GRIN2A: variants seen among roughly 807,000 people sequenced by gnomAD.
GRIN2A encodes glutamate ionotropic receptor NMDA type subunit 2A, also known as glutamate receptor ionotropic, NMDA 2A.
A neutral mutation model predicts 113.4 loss-of-function variants in GRIN2A; 22 were observed. The observed-to-expected ratio is 0.19, with a 90% CI of 0.14 to 0.28. The LOEUF is 0.28. Ranked by LOEUF, GRIN2A falls within the 10% of genes least tolerant of loss-of-function variation. GRIN2A has a pLI of 1.00. For synonymous variants in GRIN2A, 827 were observed against 738.4 expected (o/e 1.12, Z -1.94); for missense variants, 1,502 against 1,887.0 (o/e 0.80, Z 3.78).
intron 10 of GRIN2A, among the ~76,000 whole-genome samples, chr16:9,801,428 C>A (rs968529987): frequency 2.0e-5 from 3 of 152,140 alleles, no homozygotes; most frequent in Non-Finnish European, 2.9e-5. Context: ...TGGGGTGAAA[C>A]CTTCTCCTAT....
intron 2 of GRIN2A, among the ~76,000 whole-genome samples, chr16:10,095,007 T>G (rs1263875509): frequency 6.6e-6 from 1 of 151,492 alleles, no homozygotes; most frequent in Non-Finnish European, 1.5e-5. Flanking sequence ...AGGAGGTAAC[T>G]AAGGTTAAAT....
At chr16:10,179,010 T>C (rs1348265101) in intron 2 of GRIN2A, among the ~76,000 whole-genome samples, 1 of 152,106 alleles carries the variant, frequency 6.6e-6, no homozygotes. Context: ...TTTTTCTCAT[T>C]CCTCACTTTA....
intron 2 of GRIN2A, among the ~76,000 whole-genome samples, chr16:10,042,918 G>A (rs1363882598): frequency 6.6e-6 from 1 of 152,184 alleles, no homozygotes; most frequent in Non-Finnish European, 1.5e-5. Flanking sequence ...CAGACGGAAG[G>A]GAAGAAGGTG....
chr16:9,975,383 G>A (rs1353321991), intron 2 of GRIN2A, among the ~76,000 whole-genome samples: 1 of 152,154 alleles, frequency 6.6e-6, no homozygotes, highest in East Asian at 1.9e-4. Context: ...TTCTCCAGCT[G>A]GAGTCAGAGA....
At chr16:10,007,584 C>A (rs1446297565) in intron 2 of GRIN2A, among the ~76,000 whole-genome samples, 1 of 152,144 alleles carries the variant, frequency 6.6e-6, no homozygotes. Context: ...TTTGGGTTGT[C>A]TCTTCGCTTT....
chr16:10,015,935 A>G lies in GRIN2A; in HGVS notation c.415-77384T>C, dbSNP rs1437111557. Reference sequence around the variant, plus strand: ...ACCTGAGGTCAGCCTGGCCAACATGATAAAACCCCGTCTCTACTAAAAATA... The same window carrying G: ...ACCTGAGGTCAGCCTGGCCAACATGGTAAAACCCCGTCTCTACTAAAAATA... On this transcript the variant is annotated intron_variant, in intron 2 of 12. Transcript: ENST00000330684. Among the ~76,000 whole-genome samples, 8 of 151,932 alleles carry G rather than the reference A, an allele frequency of 5.3e-5. No homozygotes were observed. The South Asian group carries it at 1.7e-3, about 32-fold the overall frequency.
chr16:10,033,156 A>G (rs1278367516), intron 2 of GRIN2A, among the ~76,000 whole-genome samples: 1 of 152,244 alleles, frequency 6.6e-6, no homozygotes. Flanking sequence ...GTGAACTGTT[A>G]TAATTCCATC....
intron 4 of GRIN2A, among the ~76,000 whole-genome samples, chr16:9,865,915 C>A (rs2043153332): frequency 6.6e-6 from 1 of 152,166 alleles, no homozygotes; most frequent in South Asian, 2.1e-4. Flanking sequence ...ATGTGAGTGT[C>A]CCTAAATAAA....
chr16:9,755,740 TA>T lies in GRIN2A; in HGVS notation c.*7408del. 1 of 210,252 alleles carries T rather than the reference TA, an allele frequency of 4.8e-6. No individual in the cohort carries two copies. 13.0% of individuals were successfully genotyped at this position (210,252 alleles called of 1,614,324 possible). ...ATGTTAAACATTAGGCCATTCTGGG[TA>T]CCTATAAAGCCCGGTGGAAGCGTTC... On this transcript the variant is annotated 3_prime_UTR_variant, in exon 13 of 13. Coordinates refer to ENST00000330684, the MANE Select transcript of GRIN2A (RefSeq NM_001134407.3).
intron 2 of GRIN2A, among the ~76,000 whole-genome samples, chr16:10,008,530 A>T (rs2046446083): frequency 6.6e-6 from 1 of 152,192 alleles, no homozygotes; most frequent in Non-Finnish European, 1.5e-5. Context: ...GAGCACTGTG[A>T]TTCTTCCCTG....
chr16:10,180,366 G>T lies in GRIN2A; in HGVS notation c.46C>A (p.Leu16Met). ...YWTLLVLPAL[L>M]VWRGPAPSAA... Reference sequence around the variant, plus strand: ...CTCGGCGCCGGACCGCGCCAGACCAGAAGGGCCGGCAGCACCAGCAGGGTC... The same window carrying T: ...CTCGGCGCCGGACCGCGCCAGACCATAAGGGCCGGCAGCACCAGCAGGGTC... Residue 16 changes from leucine (L) to methionine (M), a missense_variant, in exon 2 of 13, where the codon CTG (leucine) becomes ATG (methionine). Coordinates refer to ENST00000330684, the MANE Select transcript of GRIN2A (RefSeq NM_001134407.3). This position sits in a 1 kb window ranked among gnomAD's most constrained non-coding sequence, Gnocchi z 7.0. 6.2e-7 allele frequency: 1 copy of T among 1,608,208 alleles called. No homozygotes were observed.
At chr16:9,768,773 C>G in intron 12 of GRIN2A, 78 bp downstream of exon 12, 1 of 920,698 alleles carries the variant, frequency 1.1e-6, no homozygotes, top group Non-Finnish European at 1.8e-6. Context: ...AAGTGCAGAC[C>G]CCACTGAGAC....
intron 11 of GRIN2A, among the ~76,000 whole-genome samples, chr16:9,793,947 T>C (rs1455617725): frequency 6.6e-6 from 1 of 152,162 alleles, no homozygotes; most frequent in Non-Finnish European, 1.5e-5. Context: ...TGTAAGTTCA[T>C]TGAGGGTAAG....
chr16:9,934,895 C>T (rs1309413121), intron 3 of GRIN2A, among the ~76,000 whole-genome samples: 1 of 151,560 alleles, frequency 6.6e-6, no homozygotes, highest in South Asian at 2.1e-4. Context: ...CACCACCAGC[C>T]CTGCATGGAT....
chr16:10,016,639 A>G (rs568564235), intron 2 of GRIN2A, among the ~76,000 whole-genome samples: 53 of 152,322 alleles, frequency 3.5e-4, no homozygotes, highest in Non-Finnish European at 4.7e-4. Flanking sequence ...AACAACGGAG[A>G]GACGAAGAAT....
In GRIN2A at chr16:10,110,893, T is replaced by G. The variant is rs12447389; in HGVS notation, c.414+69105A>C. Among the ~76,000 whole-genome samples the G allele has an allele frequency of 1.2e-3, 181 of 151,992 alleles. 2 individuals carry two copies. Among genetic ancestry groups the G allele is most frequent in the Non-Finnish European group, 1.8e-3 (124 of 68,006 alleles). On this transcript the variant is annotated intron_variant, in intron 2 of 12. Coordinates refer to ENST00000330684, the MANE Select transcript of GRIN2A (RefSeq NM_001134407.3). ...CCCTCTGAATACAAACATCCACATTTGACTTCAGACGAGTAAGAAGTACAT... is the reference window on the plus strand; with the variant it reads ...CCCTCTGAATACAAACATCCACATTGGACTTCAGACGAGTAAGAAGTACAT...
chr16:9,942,714 G>A (rs748162317), intron 2 of GRIN2A, among the ~76,000 whole-genome samples: 11 of 152,122 alleles, frequency 7.2e-5, no homozygotes, highest in Non-Finnish European at 1.3e-4. Flanking sequence ...TGAGCCCAAG[G>A]AGCCTGTATA....
chr16:10,048,099 T>G (rs1023139491), intron 2 of GRIN2A, among the ~76,000 whole-genome samples: 4 of 152,238 alleles, frequency 2.6e-5, no homozygotes, highest in Non-Finnish European at 5.9e-5. Context: ...AATAGTTATA[T>G]TTCCTGATTA....
intron 4 of GRIN2A, among the ~76,000 whole-genome samples, chr16:9,884,835 C>T (rs1338167617): frequency 2.0e-5 from 3 of 150,756 alleles, no homozygotes; most frequent in South Asian, 2.1e-4. Flanking sequence ...CTGCAAGCTC[C>T]GCCTCCTGGG....
Sources: gnomAD v4.1 joint callset for allele counts (sites outside exome capture counted in the v4.1 genomes callset) on GRCh38, gnomAD v4.1.1 for gene constraint, Gnocchi (gnomAD v3.1) non-coding constraint, MANE v1.5 for transcripts, NCBI Gene and HGNC (gene_info 2026-07-23, HGNC 2026-07-21) for gene names.